TAF1: variants seen among roughly 807,000 people sequenced by gnomAD.
TAF1 encodes the protein transcription initiation factor TFIID subunit 1.
In TAF1, 2 loss-of-function variants were observed where a neutral mutation model predicts 138.5. The observed-to-expected ratio is 0.01, with a 90% CI of 0.01 to 0.05. The LOEUF is 0.05. Among genes scored for constraint, TAF1 ranks in the 10% least tolerant of loss-of-function variants. The pLI is 1.00. For synonymous variants in TAF1, 437 were observed against 503.2 expected (o/e 0.87, Z 1.76); for missense variants, 709 against 1,478.0 (o/e 0.48, Z 8.53).
At chrX:71,441,490 ATATAATT>A (rs1162941845) in intron 32 of TAF1, among the ~76,000 whole-genome samples, 3 of 111,431 alleles carry the variant, frequency 2.7e-5, no homozygotes, top group African/African-American at 9.8e-5. Flanking sequence ...ATTTCCATAC[ATATAATT>A]TATAGTTATC....
chrX:71,461,455 G>A lies in TAF1; in HGVS notation c.5399+652G>A, dbSNP rs779247822. On this transcript the variant is annotated intron_variant, in intron 37 of 37. Transcript: ENST00000423759. Reference sequence around the variant, plus strand: ...TAGGACAATGTGGGACACATGATGAGGATATCAACAGGGACTTGTCAGGAG... The same window carrying A: ...TAGGACAATGTGGGACACATGATGAAGATATCAACAGGGACTTGTCAGGAG... Among the ~76,000 whole-genome samples, 43 of 111,145 alleles carry A rather than the reference G, an allele frequency of 3.9e-4. No homozygotes were observed. The South Asian group carries it at 0.016, about 42-fold the overall frequency.
intron 13 of TAF1, among the ~76,000 whole-genome samples, chrX:71,476,638 C>G (rs1380764614): frequency 2.8e-5 from 3 of 106,534 alleles, no homozygotes; most frequent in African/African-American, 1.0e-4. Flanking sequence ...GTGAGACCCT[C>G]TCTCTCTTTC....
At chrX:71,516,667 G>A (rs1041037672) in intron 13 of TAF1, among the ~76,000 whole-genome samples, 7 of 106,839 alleles carry the variant, frequency 6.6e-5, no homozygotes, top group Admixed American at 4.1e-4. Context: ...AAAAAGTTAC[G>A]GTGGTAAATT....
intron 32 of TAF1, among the ~76,000 whole-genome samples, chrX:71,438,096 C>A (rs2148695682): frequency 9.0e-6 from 1 of 110,729 alleles, no homozygotes; most frequent in Admixed American, 9.7e-5. Context: ...CTCAGCCTTC[C>A]AAAGTGCTGG....
intron 37 of TAF1, among the ~76,000 whole-genome samples, chrX:71,461,300 C>T (rs956836815): frequency 9.0e-5 from 10 of 111,410 alleles, no homozygotes; most frequent in Non-Finnish European, 1.9e-4. Context: ...GTTGAGGCTC[C>T]AGAAGTGTAG....
At chrX:71,502,120 GGTGGCCAGCTTTTATCCCCTTATTT>G (rs1342471230) in intron 13 of TAF1, among the ~76,000 whole-genome samples, 1 of 111,421 alleles carries the variant, frequency 9.0e-6, no homozygotes, top group African/African-American at 3.3e-5. Flanking sequence ...TACTGGCTGG[GGTGGCCAGCTTTTATCCCCTTATTT>G]GTCCCTGCCC....
rs56412511 is a variant in TAF1, at chrX:71,394,073, G to A, written c.3234G>A (p.Leu1078=). The change falls in exon 22 of 38, where the codon CTG becomes CTA. Residue 1078 remains leucine, a synonymous_variant. Transcript: ENST00000423759. ...TTGCTTTTTCTCTTTTTAGGGTTCT[G>A]TCATCAACTGAAGTCTTATCAACTG... ...QRIFDLQNKV[L]SSTEVLSTDT... is the part of the protein sequence containing the mutation. 4 of 1,206,733 alleles carry A rather than the reference G, an allele frequency of 3.3e-6. No individual in the cohort carries two copies. The highest frequency in any genetic ancestry group is 4.5e-6 in the Non-Finnish European group (4 of 893,483).
intron 13 of TAF1, chrX:71,492,391 C>A: frequency 7.6e-6 from 1 of 131,737 alleles, no homozygotes; most frequent in South Asian, 2.7e-4. Context: ...TCGTCGTGGT[C>A]GCGGTTGCTG....
intron 13 of TAF1, among the ~76,000 whole-genome samples, chrX:71,520,511 G>A (rs1309731023): frequency 2.1e-5 from 2 of 95,961 alleles, no homozygotes; most frequent in Non-Finnish European, 4.1e-5. Context: ...TGAAACCCCC[G>A]TCTCTACTAA....
At chrX:71,429,944 C>T (rs1350805434) in intron 32 of TAF1, among the ~76,000 whole-genome samples, 3 of 111,301 alleles carry the variant, frequency 2.7e-5, no homozygotes, top group African/African-American at 9.8e-5. Context: ...ATGTTCATTT[C>T]CATTGGCTAA....
chrX:71,469,663 C>T (rs1345964454), downstream of TAF1, among the ~76,000 whole-genome samples: 6 of 109,857 alleles, frequency 5.5e-5, no homozygotes, highest in South Asian at 2.0e-3. Flanking sequence ...CAAGTGTCTC[C>T]GGAACAAATA....
At chrX:71,431,857 A>G (rs1045900585) in intron 32 of TAF1, among the ~76,000 whole-genome samples, 12 of 106,774 alleles carry the variant, frequency 1.1e-4, no homozygotes, top group African/African-American at 4.1e-4. Context: ...TGGAGGTTGC[A>G]GTGAGCCGAG....
At position 71,464,116 on chromosome X, in the gene TAF1, T is replaced by G. The variant is rs917801386; in HGVS notation, c.*70T>G. ...CTAGGTGGTTCACCTTTCCCCAATT[T>G]GTTCATATTTGTACAGTATCTGATC... On this transcript the variant is annotated 3_prime_UTR_variant, in exon 38 of 38. Coordinates refer to ENST00000423759, the MANE Select transcript of TAF1 (RefSeq NM_004606.5). 1 of 975,751 alleles carries G rather than the reference T, an allele frequency of 1.0e-6. No individual in the cohort carries two copies. Among genetic ancestry groups the G allele is most frequent in the African/African-American group, 1.9e-5 (1 of 52,029 alleles). 80.4% of individuals were successfully genotyped at this position (975,751 alleles called of 1,213,427 possible).
Position 71,397,826 on chromosome X carries a change from G to A in TAF1, c.3620+360G>A, listed in dbSNP as rs149349222. Among the ~76,000 whole-genome samples, 24 of 111,239 alleles carry A rather than the reference G, an allele frequency of 2.2e-4. No homozygotes were observed. In the East Asian group the frequency reaches 4.0e-3, roughly 18 times the overall value. Reference sequence around the variant, plus strand: ...TGTGATAGGGAGAATAGTAATAATGGTGGGGAATGGTGATTGGGGTGGGTG... The same window carrying A: ...TGTGATAGGGAGAATAGTAATAATGATGGGGAATGGTGATTGGGGTGGGTG... On this transcript the variant is annotated intron_variant, in intron 23 of 37. Transcript: ENST00000423759.
chrX:71,404,343 C>T (rs928256828), intron 25 of TAF1, among the ~76,000 whole-genome samples: 32 of 110,492 alleles, frequency 2.9e-4, no homozygotes, highest in Non-Finnish European at 4.4e-4. Flanking sequence ...GCCATTTCTC[C>T]AAAAGCCCAG....
chrX:71,380,787 T>C (rs1336026844), intron 8 of TAF1, among the ~76,000 whole-genome samples: 1 of 111,390 alleles, frequency 9.0e-6, no homozygotes, highest in Non-Finnish European at 1.9e-5. Flanking sequence ...GCCTCCCAGG[T>C]TGAAGTGATT....
intron 13 of TAF1, among the ~76,000 whole-genome samples, chrX:71,486,476 G>A (rs1360157030): frequency 9.2e-6 from 1 of 108,998 alleles, no homozygotes; most frequent in Non-Finnish European, 1.9e-5. Flanking sequence ...TCCCACCCCA[G>A]TCCCAGTAGC....
At chrX:71,412,831 C>T (rs2035867091) in intron 28 of TAF1, among the ~76,000 whole-genome samples, 2 of 112,460 alleles carry the variant, frequency 1.8e-5, no homozygotes, top group Non-Finnish European at 1.9e-5. Context: ...TGTGATCCAC[C>T]CGCTTGGGCT....
chrX:71,498,844 A>C (rs1308797185), intron 13 of TAF1, among the ~76,000 whole-genome samples: 1 of 111,943 alleles, frequency 8.9e-6, no homozygotes, highest in African/African-American at 3.2e-5. Context: ...AGGTGGGAGA[A>C]ATACCTGGTT....
Sources: allele counts gnomAD v4.1 joint callset (sites outside exome capture counted in the v4.1 genomes callset), GRCh38; gene constraint gnomAD v4.1.1; transcripts MANE v1.5; gene names NCBI Gene and HGNC (gene_info 2026-07-23, HGNC 2026-07-21).